Variants in TFAP4 observed in about 807,000 individuals in gnomAD.
The protein encoded by TFAP4 is transcription factor AP-4.
A neutral mutation model predicts 40.4 loss-of-function variants in TFAP4; 7 were observed. That is an observed-to-expected ratio of 0.17 (90% CI 0.10 to 0.33). The LOEUF is 0.33. Among genes scored for constraint, TFAP4 ranks in the 10% least tolerant of loss-of-function variants. The pLI, the probability that TFAP4 is intolerant of heterozygous loss-of-function variation, is 1.00. For missense variants in TFAP4, 374 were observed against 451.1 expected, an observed-to-expected ratio of 0.83 and a Z score of 1.55; for synonymous variants, 218 against 181.4, an observed-to-expected ratio of 1.20 and a Z score of -1.62.
In TFAP4 at chr16:4,261,815, G is replaced by A. The variant is rs369628159; in HGVS notation, c.489C>T (p.Asp163=). ...REMIELRQQL[D]KERSVRMMLE... ...GCATCATGCGCACCGAGCGCTCCTTGTCCAGCTGCTGCCGCAGCTCAATCA... is the reference window on the plus strand; with the variant it reads ...GCATCATGCGCACCGAGCGCTCCTTATCCAGCTGCTGCCGCAGCTCAATCA... The change falls in exon 4 of 7, where the codon GAC becomes GAT. Residue 163 remains aspartate (D), a synonymous_variant. Transcript: ENST00000204517. The A allele has an allele frequency of 4.3e-5, 69 of 1,612,302 alleles. No homozygotes were observed. Among genetic ancestry groups the A allele is most frequent in the Non-Finnish European group, 5.8e-5 (68 of 1,179,456 alleles).
At position 4,260,248 on chromosome 16, in the gene TFAP4, G is replaced by A. The variant is rs1322060060; in HGVS notation, c.667-3C>T. The A allele has an allele frequency of 1.3e-6, 2 of 1,561,844 alleles. No individual in the cohort carries two copies. The highest frequency in any genetic ancestry group is 2.0e-5 in the Admixed American group (1 of 51,000). ...GTGGGGGCCGGAGGGGGCAGAAGCT[G>A]CAAGACAGAGGCCCTCAGCCTTTCT... On this transcript the variant is annotated splice_polypyrimidine_tract_variant and splice_region_variant and intron_variant, in intron 5 of 6. Transcript: ENST00000204517.
At position 4,262,092 on chromosome 16, in the gene TFAP4, C is replaced by T. The variant is rs893160483; in HGVS notation, c.355-143G>A. 5.0e-6 allele frequency: 5 copies of T among 999,002 alleles called. No individual in the cohort carries two copies. The African/African-American group carries it at 8.1e-5, about 16-fold the overall frequency. 61.9% of individuals were successfully genotyped at this position (999,002 alleles called of 1,614,324 possible). A position where few individuals can be genotyped will look rare whatever the true frequency, so the allele number is the denominator to read the frequency against. Reference sequence around the variant, plus strand: ...CCTTCTGCAAGTCCAACAAACCAGCCAAATGCCAGGAGAATGGGCTGCTTT... The same window carrying T: ...CCTTCTGCAAGTCCAACAAACCAGCTAAATGCCAGGAGAATGGGCTGCTTT... On this transcript the variant is annotated intron_variant, in intron 3 of 6. Coordinates refer to ENST00000204517, the MANE Select transcript of TFAP4 (RefSeq NM_003223.3).
intron 1 of TFAP4, chr16:4,266,485 C>G (rs1213812536): frequency 6.6e-6 from 1 of 151,992 alleles, no homozygotes; most frequent in Non-Finnish European, 1.5e-5. Context: ...CCGACAGAGT[C>G]CTTTAATAGA....
intron 3 of TFAP4, 57 bp from the exon 4 acceptor site, chr16:4,262,006 T>C (rs929848761): frequency 2.0e-5 from 31 of 1,512,820 alleles, no homozygotes; most frequent in South Asian, 1.3e-4. Context: ...ACCACGGAGA[T>C]TGGGGTTCCA....
intron 1 of TFAP4, chr16:4,265,679 T>A (rs887528206): frequency 6.6e-6 from 1 of 151,456 alleles, no homozygotes; most frequent in Non-Finnish European, 1.5e-5. Context: ...TAACTCTTTT[T>A]ATTATTCACA....
intron 1 of TFAP4, among the ~76,000 whole-genome samples, chr16:4,270,989 A>G (rs1373015789): frequency 2.6e-5 from 4 of 152,254 alleles, no homozygotes; most frequent in African/African-American, 9.6e-5. Context: ...TAGAAAGATT[A>G]TGACAACTCA....
chr16:4,257,932 TAA>T lies in TFAP4; in HGVS notation c.*121_*122del. ...ATTTACAGTATTGAAAAAGAGGTCA[TAA>T]AAGAGACCCAAATGACATCGTAATT... On this transcript the variant is annotated 3_prime_UTR_variant, in exon 7 of 7. Transcript: ENST00000204517. 1 of 980,284 alleles carries T rather than the reference TAA, an allele frequency of 1.0e-6. No individual in the cohort carries two copies. The highest frequency in any genetic ancestry group is 1.6e-5 in the African/African-American group (1 of 60,926). 60.7% of individuals were successfully genotyped at this position (980,284 alleles called of 1,614,324 possible).
intron 1 of TFAP4, among the ~76,000 whole-genome samples, chr16:4,272,272 G>A (rs1278691962): frequency 6.6e-6 from 1 of 151,992 alleles, no homozygotes. Context: ...GGATGGGGAC[G>A]ACCTCAGATC....
chr16:4,271,428 C>T (rs2053039569), intron 1 of TFAP4, among the ~76,000 whole-genome samples: 1 of 152,112 alleles, frequency 6.6e-6, no homozygotes, highest in Non-Finnish European at 1.5e-5. Flanking sequence ...CCCAAACTTG[C>T]GCACGCCGTA....
chr16:4,267,748 G>A (rs1400950202), intron 1 of TFAP4, among the ~76,000 whole-genome samples: 1 of 152,242 alleles, frequency 6.6e-6, no homozygotes, highest in African/African-American at 2.4e-5. Context: ...GTCAACGTGG[G>A]AAAGTCCACA....
chr16:4,258,154 C>T lies in TFAP4; in HGVS notation c.918G>A (p.Glu306=), dbSNP rs1427256380. The T allele has an allele frequency of 1.2e-6, 2 of 1,613,894 alleles. No individual in the cohort carries two copies. Among genetic ancestry groups the T allele is most frequent in the Non-Finnish European group, 8.5e-7 (1 of 1,180,002 alleles). ...CGGAGGCGGTGTCAGAGGTGGGGGC[C>T]TCCGGGCAGCTGCGGACAGGCTTCA... ...VIVKPVRSCP[E]APTSDTASDS... The change falls in exon 7 of 7, where the codon GAG becomes GAA. Residue 306 remains glutamate (E), a synonymous_variant. Coordinates refer to ENST00000204517, the MANE Select transcript of TFAP4 (RefSeq NM_003223.3).
At chr16:4,260,866 G>A (rs1241267586) in intron 4 of TFAP4, among the ~76,000 whole-genome samples, 1 of 152,258 alleles carries the variant, frequency 6.6e-6, no homozygotes, top group Non-Finnish European at 1.5e-5. Flanking sequence ...GGTTAACTAT[G>A]AGACTCAACT....
chr16:4,263,329 C>G (rs867171925), intron 1 of TFAP4: 1 of 152,694 alleles, frequency 6.5e-6, no homozygotes, highest in Middle Eastern at 3.4e-3. Flanking sequence ...GACTAGCAGG[C>G]CCGGTGGGGC....
In TFAP4 at chr16:4,260,225, G is replaced by C; in HGVS notation, c.687C>G (p.Pro229=). 2 of 1,548,798 alleles carry C rather than the reference G, an allele frequency of 1.3e-6. No homozygotes were observed. The highest frequency in any genetic ancestry group is 1.7e-6 in the Non-Finnish European group (2 of 1,146,552). The change falls in exon 6 of 7, where the codon CCC becomes CCG. Residue 229 remains proline, a synonymous_variant. Transcript: ENST00000204517. ...LRTQLLPPPA[P]THHPTVIVPA... Reference sequence around the variant, plus strand: ...GCACGATCACCGTGGGGTGGTGGGTGGGGGCCGGAGGGGGCAGAAGCTGCA... The same window carrying C: ...GCACGATCACCGTGGGGTGGTGGGTCGGGGCCGGAGGGGGCAGAAGCTGCA...
chr16:4,268,449 T>C lies in TFAP4; in HGVS notation c.89+4209A>G, dbSNP rs150692798. On this transcript the variant is annotated intron_variant, in intron 1 of 6. Transcript: ENST00000204517. ...GCTGCTGAGGACAGGAGTCACATCCTGTTCATGGCTGTATCCTCAGTCCCG... is the reference window on the plus strand; with the variant it reads ...GCTGCTGAGGACAGGAGTCACATCCCGTTCATGGCTGTATCCTCAGTCCCG... Among the ~76,000 whole-genome samples the C allele has an allele frequency of 8.0e-4, 122 of 152,288 alleles. 2 individuals carry two copies. Among genetic ancestry groups the C allele is most frequent in the South Asian group, 5.4e-3 (26 of 4,824 alleles).
At chr16:4,269,302 G>A (rs932575539) in intron 1 of TFAP4, among the ~76,000 whole-genome samples, 1 of 151,616 alleles carries the variant, frequency 6.6e-6, no homozygotes, top group Non-Finnish European at 1.5e-5. Context: ...GACCATCCTG[G>A]CTAACACAGT....
chr16:4,259,680 C>T (rs1037604418), intron 6 of TFAP4, among the ~76,000 whole-genome samples: 1 of 152,130 alleles, frequency 6.6e-6, no homozygotes, highest in Admixed American at 6.6e-5. Flanking sequence ...AAGCTTCCTC[C>T]TCTGTAGGAG....
chr16:4,257,851 G>GCTCTGCGACACCCCAGC lies in TFAP4; in HGVS notation c.*187_*203dup. On this transcript the variant is annotated 3_prime_UTR_variant, in exon 7 of 7. Coordinates refer to ENST00000204517, the MANE Select transcript of TFAP4 (RefSeq NM_003223.3). ...CCCTGGGGTGCCGATGCTCCCACAC[G>GCTCTGCGACACCCCAGC]CTCTGCGACACCCCAGCCCCGGGAC... The GCTCTGCGACACCCCAGC allele has an allele frequency of 3.8e-6, 2 of 532,034 alleles. No homozygotes were observed. Among genetic ancestry groups the GCTCTGCGACACCCCAGC allele is most frequent in the Non-Finnish European group, 6.5e-6 (2 of 308,218 alleles). The allele number at this position is 532,034 out of a possible 1,614,324, so 33.0% of individuals were successfully genotyped here.
chr16:4,260,024 C>G (rs2052931023), intron 6 of TFAP4, 66 bp downstream of exon 6: 2 of 1,498,546 alleles, frequency 1.3e-6, no homozygotes, highest in Non-Finnish European at 1.8e-6. Flanking sequence ...CTTTTCCAGT[C>G]TCCCCTAAAG....
Sources: allele counts gnomAD v4.1 joint callset (sites outside exome capture counted in the v4.1 genomes callset), GRCh38; gene constraint gnomAD v4.1.1; transcripts MANE v1.5; gene names NCBI Gene and HGNC (gene_info 2026-07-23, HGNC 2026-07-21).